Variants in SOX5 observed in about 807,000 individuals in gnomAD.
The protein encoded by SOX5 is transcription factor SOX-5.
Under a neutral mutation model 92.0 loss-of-function variants are expected in SOX5, and 9 were observed. The ratio of observed to expected loss-of-function variants is 0.10; its 90% confidence interval spans 0.06 to 0.17. The LOEUF (loss-of-function observed/expected upper bound fraction) is 0.17, where lower values mean the gene tolerates loss of function less well. Ranked by LOEUF, SOX5 falls within the 10% of genes least tolerant of loss-of-function variation. The pLI, the probability that SOX5 is intolerant of heterozygous loss-of-function variation, is 1.00. For missense variants in SOX5, 642 were observed against 944.5 expected, an observed-to-expected ratio of 0.68 and a Z score of 4.20; for synonymous variants, 344 against 336.3, an observed-to-expected ratio of 1.02 and a Z score of -0.25.
chr12:24,353,161 C>A (rs1481448175), intron 2 of SOX5, among the ~76,000 whole-genome samples: 1 of 152,080 alleles, frequency 6.6e-6, no homozygotes, highest in Non-Finnish European at 1.5e-5. Context: ...CAAATCTTAC[C>A]CGGCTCTATA....
intron 1 of SOX5, among the ~76,000 whole-genome samples, chr12:24,498,936 C>T (rs1277823763): frequency 1.3e-5 from 2 of 152,088 alleles, no homozygotes; most frequent in Non-Finnish European, 2.9e-5. Context: ...TAGTGCTTGC[C>T]GTTTACCTCT....
rs2096813205 is a variant in SOX5, at chr12:23,866,299, A to G, written c.271-20106T>C. Among the ~76,000 whole-genome samples, 3 of 152,230 alleles carry G rather than the reference A, an allele frequency of 2.0e-5. No individual in the cohort carries two copies. In the South Asian group the frequency reaches 6.2e-4, roughly 32 times the overall value. ...TTGGGCTATGAAAAAAGATTCTAAT[A>G]TATGGATTTTTAAATATATGGAATA... On this transcript the variant is annotated intron_variant, in intron 2 of 14. Transcript: ENST00000451604.
Position 24,495,277 on chromosome 12 carries a change from T to C in SOX5, c.-251+67052A>G, listed in dbSNP as rs149804994. Among the ~76,000 whole-genome samples, 551 of 152,308 alleles carry C rather than the reference T, an allele frequency of 3.6e-3. 5 individuals carry two copies. The highest frequency in any genetic ancestry group is 0.01 in the African/African-American group (436 of 41,572). On this transcript the variant is annotated intron_variant, in intron 1 of 4. Coordinates refer to the SOX5 transcript ENST00000446891. ...GTATGGACCAAATATAAGTAAGATA[T>C]GGATCCAGTGTGTTAGAAACTTAAT...
At chr12:24,276,005 A>G (rs1334691865) in intron 3 of SOX5, among the ~76,000 whole-genome samples, 1 of 152,088 alleles carries the variant, frequency 6.6e-6, no homozygotes, top group Admixed American at 6.6e-5. Flanking sequence ...TTAAATTAAG[A>G]TATCACTGTC....
intron 6 of SOX5, among the ~76,000 whole-genome samples, chr12:23,727,097 A>G (rs2093174429): frequency 6.6e-6 from 1 of 152,148 alleles, no homozygotes; most frequent in South Asian, 2.1e-4. Flanking sequence ...AAAAGAAAAA[A>G]TGTCCTTCCA....
intron 6 of SOX5, among the ~76,000 whole-genome samples, chr12:23,696,534 T>C (rs2089897373): frequency 6.6e-6 from 1 of 152,154 alleles, no homozygotes; most frequent in African/African-American, 2.4e-5. Flanking sequence ...GCTAGAGGTT[T>C]ATCGATTTTA....
At chr12:23,654,164 C>T (rs780942042) in intron 7 of SOX5, among the ~76,000 whole-genome samples, 7 of 151,910 alleles carry the variant, frequency 4.6e-5, no homozygotes, top group Admixed American at 1.3e-4. Context: ...GATAATGAAA[C>T]GGGACAGAGA....
intron 13 of SOX5, among the ~76,000 whole-genome samples, chr12:23,541,815 T>C (rs1440989171): frequency 4.6e-5 from 7 of 152,034 alleles, no homozygotes; most frequent in Non-Finnish European, 8.8e-5. Context: ...GAATATGGGA[T>C]CATAAAAACA....
At chr12:23,584,161 T>C (rs1950402578) in intron 9 of SOX5, among the ~76,000 whole-genome samples, 1 of 151,862 alleles carries the variant, frequency 6.6e-6, no homozygotes, top group South Asian at 2.1e-4. Flanking sequence ...AGCAAATCAG[T>C]GGTAGAAGGT....
intron 2 of SOX5, among the ~76,000 whole-genome samples, chr12:24,297,808 A>C (rs1310656231): frequency 6.6e-6 from 1 of 152,188 alleles, no homozygotes; most frequent in Non-Finnish European, 1.5e-5. Flanking sequence ...CATAACTAGC[A>C]CTGTCTGCTG....
At chr12:23,700,355 A>G (rs1405594322) in intron 6 of SOX5, among the ~76,000 whole-genome samples, 1 of 152,152 alleles carries the variant, frequency 6.6e-6, no homozygotes, top group African/African-American at 2.4e-5. Flanking sequence ...GTTAGCTTAC[A>G]GTGTCGTAGT....
chr12:23,991,182 C>T (rs542034942), intron 4 of SOX5, among the ~76,000 whole-genome samples: 2,245 of 116,416 alleles, frequency 0.019, 28 homozygotes, highest in Admixed American at 0.033. Context: ...AGTGAGATCC[C>T]GTCTCTGCAA....
At chr12:24,029,989 A>G (rs1955303047) in intron 4 of SOX5, among the ~76,000 whole-genome samples, 1 of 151,864 alleles carries the variant, frequency 6.6e-6, no homozygotes, top group Non-Finnish European at 1.5e-5. Flanking sequence ...TTTCATTCTC[A>G]TTGCAACCTT....
intron 1 of SOX5, among the ~76,000 whole-genome samples, chr12:23,940,121 T>C (rs1943344018): frequency 6.6e-6 from 1 of 151,222 alleles, no homozygotes; most frequent in African/African-American, 2.4e-5. Flanking sequence ...GCTTTTCATA[T>C]TTCCCCATAG....
chr12:24,331,221 G>A (rs749803986), intron 2 of SOX5: 47 of 152,300 alleles, frequency 3.1e-4, no homozygotes, highest in Middle Eastern at 3.4e-3. Flanking sequence ...GCATTCCAGA[G>A]TGAAGTCTTC....
At chr12:24,159,507 C>T (rs1952533180) in intron 4 of SOX5, among the ~76,000 whole-genome samples, 1 of 151,922 alleles carries the variant, frequency 6.6e-6, no homozygotes, top group African/African-American at 2.4e-5. Context: ...ACTAGAGTAA[C>T]CTGTCACTTG....
intron 3 of SOX5, among the ~76,000 whole-genome samples, chr12:24,238,280 A>G (rs1362856538): frequency 1.3e-5 from 2 of 152,166 alleles, no homozygotes; most frequent in Non-Finnish European, 2.9e-5. Flanking sequence ...AGAGGGAAGG[A>G]AGTAAAAAGG....
intron 2 of SOX5, among the ~76,000 whole-genome samples, chr12:24,343,685 A>G (rs1006290356): frequency 1.3e-5 from 2 of 152,124 alleles, no homozygotes; most frequent in African/African-American, 4.8e-5. Flanking sequence ...TACATAGCAC[A>G]TAATTATTTA....
chr12:23,619,365 T>C (rs2076924249), intron 8 of SOX5, among the ~76,000 whole-genome samples: 1 of 152,042 alleles, frequency 6.6e-6, no homozygotes, highest in Non-Finnish European at 1.5e-5. Flanking sequence ...CTCAACAACC[T>C]TAGGGAATAG....
Sources: gnomAD v4.1 joint callset for allele counts (sites outside exome capture counted in the v4.1 genomes callset) on GRCh38, gnomAD v4.1.1 for gene constraint, MANE v1.5 for transcripts, NCBI Gene and HGNC (gene_info 2026-07-23, HGNC 2026-07-21) for gene names.